METTL26: variants seen among roughly 807,000 people sequenced by gnomAD.
METTL26 encodes methyltransferase like 26.
METTL26 carries 28 observed loss-of-function variants against 24.7 expected under a neutral mutation model. The ratio of observed to expected loss-of-function variants is 1.13; its 90% CI spans 0.84 to 1.55. The LOEUF (loss-of-function observed/expected upper bound fraction) is 1.55, where lower values mean the gene tolerates loss of function less well. Among genes scored for constraint, METTL26 ranks in the 40% most tolerant of loss-of-function variants. The pLI, the probability that METTL26 is intolerant of heterozygous loss-of-function variation, is 0.00. For missense variants in METTL26, 344 were observed against 281.2 expected (o/e 1.22, Z -1.60); for synonymous variants, 165 against 125.2 (o/e 1.32, Z -2.12).
rs1218805034 is a variant in METTL26 at position 634,795 on chromosome 16, T to C, written c.491A>G (p.Asn164Ser). 94 of 1,609,206 alleles carry C rather than the reference T, an allele frequency of 5.8e-5. No individual in the cohort carries two copies. The Admixed American group carries it at 1.5e-3, about 26-fold the overall frequency. ...TGTGTCCCGAAGCCCCCATTCTGGG[T>C]TCCTGCAGAGGGTGGGGAGATGGAG... ...VDFDLMLRCR[N>S]PEWGLRDTAL... Residue 164 changes from asparagine (N) to serine (S), a missense_variant and splice_region_variant, in exon 5 of 6, where the codon AAC becomes AGC. Transcript: ENST00000301686.
intron 3 of METTL26, 59 bp from the exon 4 acceptor site, chr16:635,015 G>A (rs1420636306): frequency 6.5e-7 from 1 of 1,547,996 alleles, no homozygotes; most frequent in South Asian, 1.2e-5. Context: ...CAGAGAGCCT[G>A]GGACAGACTT....
Position 635,307 on chromosome 16 carries a change from G to A in METTL26, c.394C>T (p.Pro132Ser). The change falls in exon 3 of 6, where the codon CCC becomes TCC. Residue 132 changes from proline to serine, a missense_variant. By Grantham distance (74) the Pro-to-Ser change is moderately conservative (BLOSUM62 -1). Coordinates refer to ENST00000301686, the MANE Select transcript of METTL26 (RefSeq NM_032366.5). Reference protein sequence around the residue: ...LFRAAGHLLKPRALLITYGPY... With the variant: ...LFRAAGHLLKSRALLITYGPY... ...CCGTAGGTGATGAGCAGGGCCCTGG[G>A]TTTGAGCAGGTGTCCTGCTGCTCTG... 6.3e-7 allele frequency: 1 copy of A among 1,598,888 alleles called. No individual in the cohort carries two copies. Among genetic ancestry groups the A allele is most frequent in the Non-Finnish European group, 8.5e-7 (1 of 1,172,928 alleles).
Position 635,738 on chromosome 16 carries a change from G to A in METTL26, c.234C>T (p.Asn78=), listed in dbSNP as rs1487894851. Residue 78 remains asparagine, a synonymous_variant, in exon 2 of 6, where the codon AAC becomes AAT. Transcript: ENST00000301686. ...CGTCCAGGTGTAGCGGGGCCTTCACGTTGGTCAGGCCCTGGGCTTGCGTGG... is the reference window on the plus strand; with the variant it reads ...CGTCCAGGTGTAGCGGGGCCTTCACATTGGTCAGGCCCTGGGCTTGCGTGG... ...AATTQAQGLT[N]VKAPLHLDVT... 1.3e-6 allele frequency: 2 copies of A among 1,579,550 alleles called. No individual in the cohort carries two copies. Among genetic ancestry groups the A allele is most frequent in the East Asian group, 2.3e-5 (1 of 43,542 alleles).
chr16:634,954 G>T lies in METTL26; in HGVS notation c.423C>A (p.Pro141=). ...GGGAGATCTTCCCATTGATGGCATAGGGCTGTGGGCATGGGGACACAGCCC... is the reference window on the plus strand; with the variant it reads ...GGGAGATCTTCCCATTGATGGCATATGGCTGTGGGCATGGGGACACAGCCC... ...KPRALLITYG[P]YAINGKISPQ... The change falls in exon 4 of 6, where the codon CCC becomes CCA. Residue 141 remains proline, a splice_region_variant and synonymous_variant. Transcript: ENST00000301686. The T allele has an allele frequency of 6.2e-7, 1 of 1,601,376 alleles. No homozygotes were observed. The highest frequency in any genetic ancestry group is 8.5e-7 in the Non-Finnish European group (1 of 1,174,728).
chr16:634,868 C>T, intron 4 of METTL26, 21 bp downstream of exon 4: 7 of 1,568,588 alleles, frequency 4.5e-6, no homozygotes, highest in Non-Finnish European at 6.1e-6. Flanking sequence ...CTGAGCCAGA[C>T]CCCCCGCCTC....
At chr16:635,923 TC>T (rs1224456368) in intron 1 of METTL26, 149 bp from the exon 2 acceptor site, 2 of 1,338,734 alleles carry the variant, frequency 1.5e-6, no homozygotes, top group East Asian at 2.5e-5. Flanking sequence ...TCCACCCACT[TC>T]CGCAGCCGCG....
At position 636,116 on chromosome 16, in the gene METTL26, C is replaced by T. The variant is rs1206005782; in HGVS notation, c.175G>A (p.Val59Met). 13 of 1,409,790 alleles carry T rather than the reference C, an allele frequency of 9.2e-6. No individual in the cohort carries two copies. The highest frequency in any genetic ancestry group is 1.1e-5 in the Non-Finnish European group (12 of 1,089,158). 87.3% of individuals were successfully genotyped at this position (1,409,790 alleles called of 1,614,324 possible). Residue 59 changes from valine (V) to methionine (M), a missense_variant, in exon 1 of 6, where the codon GTG becomes ATG. Physicochemically the swap from Val to Met is conservative, Grantham distance 21. Coordinates refer to ENST00000301686, the MANE Select transcript of METTL26 (RefSeq NM_032366.5). Reference sequence around the variant, plus strand: ...CACCTGTCCAGGCAGCGCTGGTCCACGTCCGACGGCTGCCACTCGGCCAGG... The same window carrying T: ...CACCTGTCCAGGCAGCGCTGGTCCATGTCCGACGGCTGCCACTCGGCCAGG... ...FPLAEWQPSD[V>M]DQRCLDSIAA...
chr16:634,483 T>C lies in METTL26; in HGVS notation c.*114A>G. The C allele has an allele frequency of 1.9e-6, 3 of 1,593,912 alleles. No individual in the cohort carries two copies. The highest frequency in any genetic ancestry group is 1.7e-4 in the Middle Eastern group (1 of 6,012). Reference sequence around the variant, plus strand: ...CAGGCTGGGCCCTTCGGCCAGCGGCTGAGAGCACAGACTGGGTGGGGCTGT... The same window carrying C: ...CAGGCTGGGCCCTTCGGCCAGCGGCCGAGAGCACAGACTGGGTGGGGCTGT... On this transcript the variant is annotated 3_prime_UTR_variant, in exon 6 of 6. Coordinates refer to ENST00000301686, the MANE Select transcript of METTL26 (RefSeq NM_032366.5).
In METTL26 at chr16:635,615, CGT is replaced by C; in HGVS notation, c.355_356del (p.Thr119GlyfsTer38). On this transcript the variant is annotated frameshift_variant, in exon 2 of 6. Transcript: ENST00000301686. LOFTEE classifies it high-confidence loss of function. ...CCATGCTGGGCTCCCCACAGACCTCCGTGCAGCGCAGGGGGCTGACATGGGCC... is the reference window on the plus strand; with the variant it reads ...CCATGCTGGGCTCCCCACAGACCTCCGCAGCGCAGGGGGCTGACATGGGCC... ...NMAHVSPLRC[T>X]EGLFRAAGHL... 1 of 1,549,462 alleles carries C rather than the reference CGT, an allele frequency of 6.5e-7. No homozygotes were observed. Among genetic ancestry groups the C allele is most frequent in the Non-Finnish European group, 8.7e-7 (1 of 1,146,826 alleles).
chr16:635,647 T>A lies in METTL26; in HGVS notation c.325A>T (p.Asn109Tyr). ...CGCAGGGGGCTGACATGGGCCATGT[T>A]GATGCAGAGCAACAGGTCCAGCGAC... ...PQSLDLLLCI[N>Y]MAHVSPLRCT... Residue 109 changes from asparagine to tyrosine, a missense_variant, in exon 2 of 6, where the codon AAC (asparagine) becomes TAC (tyrosine). Transcript: ENST00000301686. 1 of 1,551,034 alleles carries A rather than the reference T, an allele frequency of 6.4e-7. No individual in the cohort carries two copies. The highest frequency in any genetic ancestry group is 8.7e-7 in the Non-Finnish European group (1 of 1,147,506).
In METTL26 at chr16:635,790, G is replaced by A; in HGVS notation, c.198-16C>T. 4 of 1,550,800 alleles carry A rather than the reference G, an allele frequency of 2.6e-6. No homozygotes were observed. The highest frequency in any genetic ancestry group is 1.9e-5 in the Admixed American group (1 of 53,702). Reference sequence around the variant, plus strand: ...GGCCGCGATGCTGCAGGAGGCGAACGCTTGGGTGGGGGCCGAGTCCTGTGC... The same window carrying A: ...GGCCGCGATGCTGCAGGAGGCGAACACTTGGGTGGGGGCCGAGTCCTGTGC... On this transcript the variant is annotated splice_polypyrimidine_tract_variant and intron_variant, in intron 1 of 5. Coordinates refer to ENST00000301686, the MANE Select transcript of METTL26 (RefSeq NM_032366.5).
At position 634,539 on chromosome 16, in the gene METTL26, G is replaced by C. The variant is rs774169808; in HGVS notation, c.*58C>G. On this transcript the variant is annotated 3_prime_UTR_variant, in exon 6 of 6. Transcript: ENST00000301686. ...ACAAGGTCCGGCCTAGGGAGGCAGG[G>C]TTCGTGCCTCACAGAGCCTCCGGCA... is the stretch of plus-strand genomic sequence containing the variant. 6.2e-7 allele frequency: 1 copy of C among 1,612,912 alleles called. No individual in the cohort carries two copies. The highest frequency in any genetic ancestry group is 1.3e-5 in the African/African-American group (1 of 75,074).
chr16:635,862 G>A (rs768558554), intron 1 of METTL26, 88 bp from the exon 2 acceptor site: 3 of 1,451,282 alleles, frequency 2.1e-6, no homozygotes, highest in Non-Finnish European at 9.1e-7. Context: ...GGAGGCTGGG[G>A]GGCACGTTGA....
Position 635,551 on chromosome 16 carries a change from G to A in METTL26, c.360+61C>T, listed in dbSNP as rs776649659. 5 of 1,522,980 alleles carry A rather than the reference G, an allele frequency of 3.3e-6. No individual in the cohort carries two copies. In the African/African-American group the frequency reaches 7.0e-5, roughly 21 times the overall value. 94.3% of individuals were successfully genotyped at this position (1,522,980 alleles called of 1,614,324 possible). A position where few individuals can be genotyped will look rare whatever the true frequency, so the allele number is the denominator to read the frequency against. ...TGATGGGGGCAAATCTGGCATCCCA[G>A]CTGCCCCCATGCAGGGTGAGTGGTG... is the stretch of plus-strand genomic sequence containing the variant. On this transcript the variant is annotated intron_variant, in intron 2 of 5. Coordinates refer to ENST00000301686, the MANE Select transcript of METTL26 (RefSeq NM_032366.5).
Position 636,253 on chromosome 16 carries a change from G to T in METTL26, c.38C>A (p.Pro13His). Residue 13 changes from proline to histidine, a missense_variant, in exon 1 of 6, where the codon CCC (proline) becomes CAC (histidine). Transcript: ENST00000301686. ...GTACTGCCGCAGCACGTGCAAGATG[G>T]GATCCTTGTTCCGCTCCGCGGCCGC... ...VAAAAERNKD[P>H]ILHVLRQYLD... 2.0e-6 allele frequency: 3 copies of T among 1,485,314 alleles called. No homozygotes were observed. Among genetic ancestry groups the T allele is most frequent in the South Asian group, 2.6e-5 (2 of 77,822 alleles). The allele number at this position is 1,485,314 out of a possible 1,614,324, so 92.0% of individuals were successfully genotyped here.
In METTL26 at chr16:634,542, C is replaced by T. The variant is rs766645973; in HGVS notation, c.*55G>A. 34 of 1,612,766 alleles carry T rather than the reference C, an allele frequency of 2.1e-5. No individual in the cohort carries two copies. The highest frequency in any genetic ancestry group is 6.7e-5 in the East Asian group (3 of 44,900). Reference sequence around the variant, plus strand: ...AGGTCCGGCCTAGGGAGGCAGGGTTCGTGCCTCACAGAGCCTCCGGCAGGG... The same window carrying T: ...AGGTCCGGCCTAGGGAGGCAGGGTTTGTGCCTCACAGAGCCTCCGGCAGGG... On this transcript the variant is annotated 3_prime_UTR_variant, in exon 6 of 6. Transcript: ENST00000301686.
In METTL26 at chr16:635,670, G is replaced by C; in HGVS notation, c.302C>G (p.Ser101Trp). ...GTTGATGCAGAGCAACAGGTCCAGCGACTGTGGCAGGATCCCGCCCCAGTG... is the reference window on the plus strand; with the variant it reads ...GTTGATGCAGAGCAACAGGTCCAGCCACTGTGGCAGGATCCCGCCCCAGTG... ...WEHWGGILPQ[S>W]LDLLLCINMA... is the part of the protein sequence containing the mutation. Residue 101 changes from serine (S) to tryptophan (W), a missense_variant, in exon 2 of 6, where the codon TCG (serine) becomes TGG (tryptophan). Coordinates refer to ENST00000301686, the MANE Select transcript of METTL26 (RefSeq NM_032366.5). The C allele has an allele frequency of 6.4e-7, 1 of 1,554,870 alleles. No homozygotes were observed. The highest frequency in any genetic ancestry group is 8.7e-7 in the Non-Finnish European group (1 of 1,149,630).
chr16:635,810 C>T, intron 1 of METTL26, 36 bp from the exon 2 acceptor site: 1 of 1,520,016 alleles, frequency 6.6e-7, no homozygotes, highest in Non-Finnish European at 8.9e-7. Flanking sequence ...GGGCCGAGTC[C>T]TGTGCACCCG....
In METTL26 at chr16:634,515, C is replaced by T; in HGVS notation, c.*82G>A. ...ACAGACTGGGTGGGGCTGTCGTCCA[C>T]AAGGTCCGGCCTAGGGAGGCAGGGT... On this transcript the variant is annotated 3_prime_UTR_variant, in exon 6 of 6. Coordinates refer to ENST00000301686, the MANE Select transcript of METTL26 (RefSeq NM_032366.5). 6.2e-7 allele frequency: 1 copy of T among 1,611,994 alleles called. No homozygotes were observed.
Sources: allele counts gnomAD v4.1 joint callset, GRCh38; gene constraint gnomAD v4.1.1; transcripts MANE v1.5; gene names NCBI Gene and HGNC (gene_info 2026-07-23, HGNC 2026-07-21).